The following PTPRC variants were observed in gnomAD, a reference collection of about 807,000 sequenced individuals.
PTPRC encodes protein tyrosine phosphatase receptor type C, also known as receptor-type tyrosine-protein phosphatase C.
PTPRC carries 44 observed loss-of-function variants against 155.9 expected under a neutral mutation model. The observed-to-expected ratio is 0.28, with a 90% CI of 0.22 to 0.36. PTPRC has a LOEUF of 0.36. Ranked by LOEUF, PTPRC falls within the 10% of genes least tolerant of loss-of-function variation. PTPRC has a pLI of 1.00. For missense variants in PTPRC, 1,401 were observed against 1,564.6 expected, an observed-to-expected ratio of 0.90 and a Z score of 1.76; for synonymous variants, 525 against 533.1, an observed-to-expected ratio of 0.98 and a Z score of 0.21.
intron 15 of PTPRC, among the ~76,000 whole-genome samples, chr1:198,725,960 G>A (rs1278045972): frequency 2.0e-5 from 3 of 152,024 alleles, no homozygotes; most frequent in Non-Finnish European, 4.4e-5. Flanking sequence ...ATAAATCTAT[G>A]GCATTTTCAG....
chr1:198,721,924 G>A (rs1478975847), intron 14 of PTPRC, among the ~76,000 whole-genome samples: 1 of 150,288 alleles, frequency 6.7e-6, no homozygotes, highest in African/African-American at 2.4e-5. Context: ...CACTTCATTT[G>A]TATTACATTT....
chr1:198,639,480 A>G (rs1315475889), intron 2 of PTPRC, 139 bp downstream of exon 2: 6 of 660,752 alleles, frequency 9.1e-6, no homozygotes, highest in African/African-American at 7.2e-5. Context: ...TTGTTGTCTC[A>G]GGGAGACATA....
At chr1:198,664,458 T>A (rs1173604307) in intron 2 of PTPRC, among the ~76,000 whole-genome samples, 1 of 152,122 alleles carries the variant, frequency 6.6e-6, no homozygotes, top group Non-Finnish European at 1.5e-5. Flanking sequence ...TTTGTAGCAA[T>A]CTTATTGTGC....
At chr1:198,644,252 G>A (rs757794378) in intron 2 of PTPRC, among the ~76,000 whole-genome samples, 2 of 151,686 alleles carry the variant, frequency 1.3e-5, no homozygotes, top group Non-Finnish European at 2.9e-5. Context: ...GTAAGTACTA[G>A]ATACTCAATC....
Position 198,650,137 on chromosome 1 carries a change from T to C in PTPRC, c.73+10796T>C, listed in dbSNP as rs60577498. On this transcript the variant is annotated intron_variant, in intron 2 of 32. Coordinates refer to ENST00000442510, the MANE Select transcript of PTPRC (RefSeq NM_002838.5). ...GGTCAGGCATCTGTAGTATGGTGAG[T>C]AAGAACTGAGCAGGTTGTGGTGAGG... is the stretch of plus-strand genomic sequence containing the variant. Among the ~76,000 whole-genome samples, 601 of 151,808 alleles carry C rather than the reference T, an allele frequency of 4.0e-3. 4 individuals carry two copies. The highest frequency in any genetic ancestry group is 0.013 in the African/African-American group (545 of 41,470).
At chr1:198,754,967 T>G (rs952293216) in intron 32 of PTPRC, among the ~76,000 whole-genome samples, 1 of 152,062 alleles carries the variant, frequency 6.6e-6, no homozygotes, top group African/African-American at 2.4e-5. Context: ...GGGCCACATG[T>G]CCCTCCTCAT....
chr1:198,737,457 C>T (rs1654701675), intron 23 of PTPRC, among the ~76,000 whole-genome samples: 2 of 151,418 alleles, frequency 1.3e-5, no homozygotes, highest in African/African-American at 4.8e-5. Context: ...CTGTCCTTTC[C>T]CCAATGCATA....
intron 14 of PTPRC, among the ~76,000 whole-genome samples, chr1:198,722,196 T>C (rs1264851845): frequency 2.0e-5 from 3 of 150,640 alleles, no homozygotes; most frequent in African/African-American, 4.8e-5. Context: ...ATAAATATTT[T>C]TATTGCTAAG....
chr1:198,734,382 C>T lies in PTPRC; in HGVS notation c.2234C>T (p.Ala745Val), dbSNP rs1654529135. The T allele has an allele frequency of 1.2e-6, 2 of 1,610,968 alleles. No homozygotes were observed. The highest frequency in any genetic ancestry group is 1.7e-6 in the Non-Finnish European group (2 of 1,177,930). Residue 745 changes from alanine to valine, a missense_variant, in exon 22 of 33, where the codon GCC (alanine) becomes GTC (valine). Ala to Val is a moderately conservative substitution (Grantham distance 64). Coordinates refer to ENST00000442510, the MANE Select transcript of PTPRC (RefSeq NM_002838.5). ...DFWRMIWEQK[A>V]TVIVMVTRCE... ...TGGAGGATGATTTGGGAACAGAAAG[C>T]CACAGTTATTGTCATGGTCACTCGA... is the stretch of plus-strand genomic sequence containing the variant.
In PTPRC at chr1:198,692,342, T is replaced by C. The variant is rs1305227259; in HGVS notation, c.74-5T>C. 2.3e-5 allele frequency: 35 copies of C among 1,518,472 alleles called. No homozygotes were observed. Among genetic ancestry groups the C allele is most frequent in the Non-Finnish European group, 2.8e-5 (32 of 1,128,834 alleles). 94.1% of individuals were successfully genotyped at this position (1,518,472 alleles called of 1,614,324 possible). On this transcript the variant is annotated splice_polypyrimidine_tract_variant and splice_region_variant and intron_variant, in intron 2 of 32. Transcript: ENST00000442510. ...TTCTAAGAGATTTTTGTTTCTTCTT[T>C]GCAGGGCAAAGCCCAACACCTTCCC...
At chr1:198,644,034 T>C (rs1662794277) in intron 2 of PTPRC, among the ~76,000 whole-genome samples, 1 of 151,930 alleles carries the variant, frequency 6.6e-6, no homozygotes, top group Non-Finnish European at 1.5e-5. Flanking sequence ...AAATACACAA[T>C]GTTCACAAAG....
At chr1:198,708,289 T>A (rs1653106236) in intron 10 of PTPRC, 28 bp downstream of exon 10, 1 of 1,589,758 alleles carries the variant, frequency 6.3e-7, no homozygotes, top group African/African-American at 1.3e-5. Context: ...ACCAGAGAAT[T>A]TTTTTTTGTG....
intron 9 of PTPRC, 29 bp downstream of exon 9, chr1:198,706,981 A>G: frequency 2.0e-6 from 3 of 1,535,706 alleles, no homozygotes; most frequent in Non-Finnish European, 2.7e-6. Flanking sequence ...CTTTTAATAA[A>G]TTTATAAAAA....
At chr1:198,698,588 A>T (rs1191295778) in intron 4 of PTPRC, among the ~76,000 whole-genome samples, 1 of 152,056 alleles carries the variant, frequency 6.6e-6, no homozygotes, top group Non-Finnish European at 1.5e-5. Context: ...AATGGCTACA[A>T]TGACCATCCA....
rs181938926 is a variant in PTPRC at position 198,678,707 on chromosome 1, A to G, written c.74-13640A>G. Among the ~76,000 whole-genome samples the G allele has an allele frequency of 2.8e-3, 427 of 152,028 alleles. 1 individual carries two copies. Among genetic ancestry groups the G allele is most frequent in the African/African-American group, 8.5e-3 (354 of 41,454 alleles). On this transcript the variant is annotated intron_variant, in intron 2 of 32. Coordinates refer to ENST00000442510, the MANE Select transcript of PTPRC (RefSeq NM_002838.5). The stretch of plus-strand genomic sequence containing the variant: ...AAAACACGCTGCGTACAATTCTGGT[A>G]TTAGGATCACAAAGGCAGAGAGGTG...
At chr1:198,654,067 G>A (rs904576123) in intron 2 of PTPRC, among the ~76,000 whole-genome samples, 3 of 151,636 alleles carry the variant, frequency 2.0e-5, no homozygotes, top group Non-Finnish European at 4.4e-5. Context: ...TAAAATTGAC[G>A]TGATTTTAAT....
intron 2 of PTPRC, among the ~76,000 whole-genome samples, chr1:198,664,132 T>C (rs986399551): frequency 6.6e-5 from 10 of 152,270 alleles, no homozygotes; most frequent in African/African-American, 2.4e-4. Context: ...GTTTATATGT[T>C]CTCAGAAAAT....
In PTPRC at chr1:198,735,111, A is replaced by AT; in HGVS notation, c.2278-10dup. On this transcript the variant is annotated splice_polypyrimidine_tract_variant and intron_variant, in intron 22 of 32. Coordinates refer to ENST00000442510, the MANE Select transcript of PTPRC (RefSeq NM_002838.5). ...AAATTAAAAATTAAAATACTTAATA[A>AT]TTTTTTAAAATGTAGAACAAGTGTG... 6.4e-7 allele frequency: 1 copy of AT among 1,566,094 alleles called. No homozygotes were observed.
intron 10 of PTPRC, among the ~76,000 whole-genome samples, chr1:198,709,251 G>A (rs1653159691): frequency 6.6e-6 from 1 of 152,060 alleles, no homozygotes; most frequent in African/African-American, 2.4e-5. Context: ...TTTTACACGT[G>A]ACCTAAAGTG....
Sources: allele counts gnomAD v4.1 joint callset (sites outside exome capture counted in the v4.1 genomes callset), GRCh38; gene constraint gnomAD v4.1.1; transcripts MANE v1.5; gene names NCBI Gene and HGNC (gene_info 2026-07-23, HGNC 2026-07-21).